Variants in ATP2A2 observed in about 807,000 individuals in gnomAD.
ATP2A2 encodes ATPase sarcoplasmic/endoplasmic reticulum Ca2+ transporting 2, also known as sarcoplasmic/endoplasmic reticulum calcium ATPase 2.
Under a neutral mutation model 109.3 loss-of-function variants are expected in ATP2A2, and 14 were observed. The ratio of observed to expected loss-of-function variants is 0.13; its 90% CI spans 0.08 to 0.20. ATP2A2 has a LOEUF of 0.20. Among genes scored for constraint, ATP2A2 ranks in the 10% least tolerant of loss-of-function variants. The pLI is 1.00. For synonymous variants in ATP2A2, 506 were observed against 490.9 expected, an observed-to-expected ratio of 1.03 and a Z score of -0.41; for missense variants, 657 against 1,321.6, an observed-to-expected ratio of 0.50 and a Z score of 7.80.
At position 110,281,783 on chromosome 12, in the gene ATP2A2, C is replaced by G; in HGVS notation, c.-7C>G. ...CGGGAGGCGAGGCCGGCCGGGCCCCCGAAGCCATGGAGAACGCGCACACCA... is the reference window on the plus strand; with the variant it reads ...CGGGAGGCGAGGCCGGCCGGGCCCCGGAAGCCATGGAGAACGCGCACACCA... On this transcript the variant is annotated 5_prime_UTR_variant, in exon 1 of 20. Coordinates refer to ENST00000539276, the MANE Select transcript of ATP2A2 (RefSeq NM_170665.4). 9 of 1,498,172 alleles carry G rather than the reference C, an allele frequency of 6.0e-6. No individual in the cohort carries two copies. In the South Asian group the frequency reaches 1.0e-4, roughly 17 times the overall value. The allele number at this position is 1,498,172 out of a possible 1,614,324, so 92.8% of individuals were successfully genotyped here.
intron 11 of ATP2A2, 50 bp downstream of exon 11, chr12:110,334,193 A>G (rs201545183): frequency 3.7e-6 from 6 of 1,606,254 alleles, no homozygotes; most frequent in African/African-American, 1.3e-5. Flanking sequence ...CAGTCGTACT[A>G]TATATACTTA....
Position 110,296,629 on chromosome 12 carries a change from C to T in ATP2A2, c.355C>T (p.Leu119Phe). The change falls in exon 5 of 20, where the codon CTT (leucine) becomes TTT (phenylalanine). Residue 119 changes from leucine (L) to phenylalanine (F), a missense_variant. Coordinates refer to ENST00000539276, the MANE Select transcript of ATP2A2 (RefSeq NM_170665.4). ...ERNAENAIEA[L>F]KEYEPEMGKV... ...AAATGCTGAAAATGCCATCGAAGCC[C>T]TTAAGGAATATGAGCCTGAAATGGG... 1 of 1,614,054 alleles carries T rather than the reference C, an allele frequency of 6.2e-7. No homozygotes were observed. The highest frequency in any genetic ancestry group is 8.5e-7 in the Non-Finnish European group (1 of 1,180,010).
chr12:110,314,259 C>G (rs958180099), intron 5 of ATP2A2, among the ~76,000 whole-genome samples: 1 of 150,010 alleles, frequency 6.7e-6, no homozygotes, highest in East Asian at 2.0e-4. Context: ...ACCCAGGAGG[C>G]AGAGTTTGTG....
At chr12:110,305,888 T>G (rs1445441458) in intron 5 of ATP2A2, among the ~76,000 whole-genome samples, 1 of 152,004 alleles carries the variant, frequency 6.6e-6, no homozygotes, top group Non-Finnish European at 1.5e-5. Context: ...TTTTGTTTTT[T>G]TTTTTTAAGG....
chr12:110,293,826 A>ATGTGTGTGTGTG (rs59260681), intron 4 of ATP2A2, among the ~76,000 whole-genome samples: 182 of 108,584 alleles, frequency 1.7e-3, no homozygotes, highest in Middle Eastern at 9.3e-3. Context: ...TGCCATATAT[A>ATGTGTGTGTGTG]TGTGTGTGTG....
chr12:110,349,619 C>T lies in ATP2A2; in HGVS notation c.*3149C>T. 1 of 986,348 alleles carries T rather than the reference C, an allele frequency of 1.0e-6. No homozygotes were observed. The highest frequency in any genetic ancestry group is 1.7e-5 in the African/African-American group (1 of 57,364). 61.1% of individuals were successfully genotyped at this position (986,348 alleles called of 1,614,324 possible). On this transcript the variant is annotated 3_prime_UTR_variant, in exon 20 of 20. Transcript: ENST00000539276. ...CCTCGGACTGGAGCTTCAGCCCTGA[C>T]TGAGGTGGGCAGACCTAAGACCTGA...
At chr12:110,281,946 C>A in intron 1 of ATP2A2, 39 bp downstream of exon 1, 1 of 1,506,522 alleles carries the variant, frequency 6.6e-7, no homozygotes, top group East Asian at 2.6e-5. Context: ...CCCGGCGCGG[C>A]CGGGAGAGCC....
At chr12:110,293,331 G>A (rs1873529851) in intron 4 of ATP2A2, among the ~76,000 whole-genome samples, 1 of 147,918 alleles carries the variant, frequency 6.8e-6, no homozygotes, top group East Asian at 2.0e-4. Flanking sequence ...GCCTCCCAAA[G>A]TGCTGGGATT....
Position 110,346,633 on chromosome 12 carries a change from A to G in ATP2A2, c.*163A>G. On this transcript the variant is annotated 3_prime_UTR_variant, in exon 20 of 20. Coordinates refer to ENST00000539276, the MANE Select transcript of ATP2A2 (RefSeq NM_170665.4). ...TGCTTTTTCTGACTCCAGTGGGGCA[A>G]GATTTTCCTTTTTTATACACATAAT... 6.8e-7 allele frequency: 1 copy of G among 1,473,094 alleles called. No individual in the cohort carries two copies. Among genetic ancestry groups the G allele is most frequent in the South Asian group, 1.4e-5 (1 of 70,270 alleles). 91.3% of individuals were successfully genotyped at this position (1,473,094 alleles called of 1,614,324 possible).
intron 3 of ATP2A2, among the ~76,000 whole-genome samples, chr12:110,285,236 A>G (rs1458352743): frequency 6.6e-6 from 1 of 152,226 alleles, no homozygotes; most frequent in Non-Finnish European, 1.5e-5. Flanking sequence ...TTTAATTTGT[A>G]ATATTGGCCA....
intron 8 of ATP2A2, among the ~76,000 whole-genome samples, chr12:110,328,613 G>A (rs930695975): frequency 6.6e-6 from 1 of 152,120 alleles, no homozygotes; most frequent in Non-Finnish European, 1.5e-5. Flanking sequence ...TGTTGCCCAG[G>A]CTAGTGTGCA....
At chr12:110,302,605 T>TTAC (rs1013155805) in intron 5 of ATP2A2, among the ~76,000 whole-genome samples, 7 of 150,534 alleles carry the variant, frequency 4.7e-5, no homozygotes, top group African/African-American at 1.5e-4. Context: ...ATTATTATTA[T>TTAC]TATTACTATT....
chr12:110,304,474 G>A (rs1488975138), intron 5 of ATP2A2, among the ~76,000 whole-genome samples: 1 of 152,162 alleles, frequency 6.6e-6, no homozygotes, highest in East Asian at 1.9e-4. Context: ...TCGTTTTAAA[G>A]TTTTACCCAG....
intron 4 of ATP2A2, 121 bp downstream of exon 4, chr12:110,292,245 T>G: frequency 1.3e-6 from 1 of 783,054 alleles, no homozygotes; most frequent in Non-Finnish European, 2.2e-6. Flanking sequence ...TGCGGGAAGT[T>G]TACATGTATT....
chr12:110,293,870 ATTTTTTTTTT>A (rs398021049), intron 4 of ATP2A2, among the ~76,000 whole-genome samples: 1 of 73,342 alleles, frequency 1.4e-5, no homozygotes, highest in Non-Finnish European at 2.6e-5. Flanking sequence ...GTGTGTATAT[ATTTTTTTTTT>A]TTTTTTTTTT....
In ATP2A2 at chr12:110,342,446, C is replaced by G; in HGVS notation, c.2316C>G (p.Val772=). The stretch of plus-strand genomic sequence containing the variant: ...TCTCGTCCAACGTCGGGGAAGTTGT[C>G]TGGTAGGTCTCTGTGACAGCATCAC... ...YLISSNVGEV[V]CIFLTAALGF... is the part of the protein sequence containing the mutation. Residue 772 remains valine, a splice_region_variant and synonymous_variant, in exon 15 of 20, where the codon GTC becomes GTG. Coordinates refer to ENST00000539276, the MANE Select transcript of ATP2A2 (RefSeq NM_170665.4). This position sits in a 1 kb window ranked among gnomAD's most constrained non-coding sequence, Gnocchi z 4.6. The G allele has an allele frequency of 6.2e-7, 1 of 1,613,212 alleles. No homozygotes were observed. The highest frequency in any genetic ancestry group is 8.5e-7 in the Non-Finnish European group (1 of 1,179,920).
Position 110,348,121 on chromosome 12 carries a change from A to G in ATP2A2, c.*1651A>G, listed in dbSNP as rs1880056437. The G allele has an allele frequency of 1.0e-6, 1 of 985,550 alleles. No individual in the cohort carries two copies. The highest frequency in any genetic ancestry group is 1.2e-6 in the Non-Finnish European group (1 of 829,976). 61.1% of individuals were successfully genotyped at this position (985,550 alleles called of 1,614,324 possible). ...AGGAGCTGTGCAGACTATTGCTAAA[A>G]TGAGGGTTCGCAGCTGCCAGGAGTC... is the stretch of plus-strand genomic sequence containing the variant. On this transcript the variant is annotated 3_prime_UTR_variant, in exon 20 of 20. Transcript: ENST00000539276.
intron 5 of ATP2A2, among the ~76,000 whole-genome samples, chr12:110,309,140 A>ATTTTTTTTTTT (rs10665212): frequency 3.9e-4 from 19 of 48,902 alleles, no homozygotes; most frequent in African/African-American, 8.6e-4. Context: ...AAGGAAACTA[A>ATTTTTTTTTTT]TTTTTTTTTT....
chr12:110,324,506 C>G (rs1196094197), intron 6 of ATP2A2, among the ~76,000 whole-genome samples: 3 of 152,142 alleles, frequency 2.0e-5, no homozygotes, highest in Admixed American at 2.0e-4. Context: ...ACTGCAACCT[C>G]TGCCTCCTGG....
Sources: gnomAD v4.1 joint callset for allele counts (sites outside exome capture counted in the v4.1 genomes callset) on GRCh38, gnomAD v4.1.1 for gene constraint, Gnocchi (gnomAD v3.1) non-coding constraint, MANE v1.5 for transcripts, NCBI Gene and HGNC (gene_info 2026-07-23, HGNC 2026-07-21) for gene names.